TMEM143: variants seen among roughly 807,000 people sequenced by gnomAD.
TMEM143 encodes transmembrane protein 143.
In TMEM143, 45 loss-of-function variants were observed where a neutral mutation model predicts 40.3. The ratio of observed to expected loss-of-function variants is 1.12; its 90% confidence interval spans 0.88 to 1.43. TMEM143 has a LOEUF of 1.43. TMEM143 is among the 40% of genes most tolerant of loss of function. The pLI, the probability that TMEM143 is intolerant of heterozygous loss-of-function variation, is 0.00. For synonymous variants in TMEM143, 299 were observed against 282.7 expected (o/e 1.06, Z -0.58); for missense variants, 620 against 613.4 (o/e 1.01, Z -0.11).
chr19:48,342,304 A>T (rs1969511094), intron 6 of TMEM143, among the ~76,000 whole-genome samples: 3 of 133,578 alleles, frequency 2.2e-5, no homozygotes, highest in African/African-American at 8.4e-5. Flanking sequence ...GGAAGGAAGG[A>T]CAGGGAGGGA....
chr19:48,356,836 C>T (rs1451456272), intron 3 of TMEM143, among the ~76,000 whole-genome samples: 7 of 147,664 alleles, frequency 4.7e-5, no homozygotes, highest in African/African-American at 1.5e-4. Context: ...TCAGGTGATC[C>T]GCCCGCCTCG....
At chr19:48,363,019 C>T (rs1317091595) in intron 2 of TMEM143, among the ~76,000 whole-genome samples, 2 of 152,196 alleles carry the variant, frequency 1.3e-5, no homozygotes, top group Non-Finnish European at 1.5e-5. Flanking sequence ...TTACTATACC[C>T]ATCTTAAAGA....
intron 3 of TMEM143, among the ~76,000 whole-genome samples, chr19:48,350,751 G>T (rs903417675): frequency 6.6e-6 from 1 of 151,568 alleles, no homozygotes; most frequent in Non-Finnish European, 1.5e-5. Flanking sequence ...GTGAAACCCC[G>T]TCTCTACTGA....
chr19:48,342,519 C>A lies in TMEM143; in HGVS notation c.975+11G>T. ...GCAGGGCCGCAGGAGGCGTGGCAGG[C>A]GCATGCTCACCTTGGAGGCCCGCAG... On this transcript the variant is annotated intron_variant, in intron 6 of 7. Coordinates refer to ENST00000293261, the MANE Select transcript of TMEM143 (RefSeq NM_018273.4). 2 of 1,593,006 alleles carry A rather than the reference C, an allele frequency of 1.3e-6. No homozygotes were observed. Among genetic ancestry groups the A allele is most frequent in the Middle Eastern group, 1.7e-4 (1 of 5,896 alleles).
In TMEM143 at chr19:48,342,704, C is replaced by T. The variant is rs749571882; in HGVS notation, c.801G>A (p.Pro267=). 4.0e-5 allele frequency: 64 copies of T among 1,614,022 alleles called. No individual in the cohort carries two copies. The highest frequency in any genetic ancestry group is 4.7e-5 in the Non-Finnish European group (56 of 1,180,020). ...GGGTGGGCGTGCGCACCTTCAGCTC[C>T]GGCAGCAGCTGCTCCAGGCCTTCCA... ...TPLEGLEQLL[P]ELKVRTPTLQ... The change falls in exon 6 of 8, where the codon CCG becomes CCA. Residue 267 remains proline (P), a synonymous_variant. Coordinates refer to ENST00000293261, the MANE Select transcript of TMEM143 (RefSeq NM_018273.4).
chr19:48,354,210 C>T (rs1969834677), intron 3 of TMEM143, among the ~76,000 whole-genome samples: 1 of 150,262 alleles, frequency 6.7e-6, no homozygotes, highest in Admixed American at 6.7e-5. Flanking sequence ...CCACCTGCCT[C>T]GGCCTCCCAA....
At chr19:48,345,705 A>G (rs1216722849) in intron 3 of TMEM143, among the ~76,000 whole-genome samples, 3 of 151,864 alleles carry the variant, frequency 2.0e-5, no homozygotes, top group African/African-American at 4.8e-5. Context: ...TCCTGAGCTC[A>G]GGCAATATGC....
chr19:48,342,911 C>A, intron 5 of TMEM143, 102 bp from the exon 6 acceptor site: 50 of 1,329,804 alleles, frequency 3.8e-5, no homozygotes, highest in Non-Finnish European at 4.6e-5. Context: ...GTCGCACAAC[C>A]ATCTTAAAAG....
chr19:48,363,603 A>G, intron 1 of TMEM143, 72 bp from the exon 2 acceptor site: 1 of 1,519,664 alleles, frequency 6.6e-7, no homozygotes, highest in Non-Finnish European at 8.8e-7. Flanking sequence ...TCCACGTCCC[A>G]CCCTCCAGAA....
intron 6 of TMEM143, among the ~76,000 whole-genome samples, chr19:48,337,667 C>T (rs1969401899): frequency 6.6e-6 from 1 of 152,086 alleles, no homozygotes. Flanking sequence ...TAGGGTGTTC[C>T]CATCTCACAC....
At chr19:48,360,720 A>G (rs1970021808) in intron 2 of TMEM143, among the ~76,000 whole-genome samples, 1 of 152,130 alleles carries the variant, frequency 6.6e-6, no homozygotes, top group African/African-American at 2.4e-5. Context: ...TTCCTAGCCA[A>G]TACACACACA....
chr19:48,359,257 GCC>G (rs925831505), intron 3 of TMEM143, among the ~76,000 whole-genome samples: 1 of 151,692 alleles, frequency 6.6e-6, no homozygotes, highest in African/African-American at 2.4e-5. Flanking sequence ...CATCCCCTCT[GCC>G]CTCATATCCC....
intron 6 of TMEM143, among the ~76,000 whole-genome samples, chr19:48,342,282 G>A (rs1969510336): frequency 7.0e-6 from 1 of 143,782 alleles, no homozygotes; most frequent in Non-Finnish European, 1.5e-5. Flanking sequence ...AAGGGAGGAA[G>A]GGAGGGAGGA....
chr19:48,359,859 C>T, intron 3 of TMEM143: 1 of 536,440 alleles, frequency 1.9e-6, no homozygotes, highest in Non-Finnish European at 3.3e-6. Flanking sequence ...TGGCACTTAT[C>T]ACCACCAGGC....
chr19:48,359,224 C>T (rs1364741816), intron 3 of TMEM143, among the ~76,000 whole-genome samples: 2 of 152,100 alleles, frequency 1.3e-5, no homozygotes, highest in East Asian at 1.9e-4. Flanking sequence ...CAGTGGCCCA[C>T]AAGGCCCAGT....
At position 48,333,927 on chromosome 19, in the gene TMEM143, G is replaced by GGGGGTGGGGACGCATCTCGCT; in HGVS notation, c.1165+60_1165+80dup. On this transcript the variant is annotated intron_variant, in intron 7 of 7. Coordinates refer to ENST00000293261, the MANE Select transcript of TMEM143 (RefSeq NM_018273.4). This position sits in a 1 kb window ranked among gnomAD's most constrained non-coding sequence, Gnocchi z 4.1. ...CCCGTCAGGTTCACCCGTGGGAACT[G>GGGGGTGGGGACGCATCTCGCT]GGGGTGGGGACGCATCTCGCTGGGG... 7.2e-7 allele frequency: 1 copy of GGGGGTGGGGACGCATCTCGCT among 1,391,620 alleles called. No individual in the cohort carries two copies. 86.2% of individuals were successfully genotyped at this position (1,391,620 alleles called of 1,614,324 possible).
chr19:48,340,121 ATTTTTTT>A (rs11369636), intron 6 of TMEM143, among the ~76,000 whole-genome samples: 20 of 98,572 alleles, frequency 2.0e-4, no homozygotes, highest in Non-Finnish European at 3.2e-4. Flanking sequence ...GTCAACTGGG[ATTTTTTT>A]TTTTTTTTTT....
rs775138964 is a variant in TMEM143 at position 48,333,358 on chromosome 19, C to T, written c.1241G>A (p.Gly414Glu). 2.5e-6 allele frequency: 4 copies of T among 1,609,442 alleles called. No individual in the cohort carries two copies. In the South Asian group the frequency reaches 3.3e-5, roughly 13 times the overall value. ...AKSGCEVTFN[G>E]TRALAHLQAL... ...CTGCAGATGCGCCAGGGCCCGAGTT[C>T]CGTTGAAGGTCACCTCACAGCCTGA... Residue 414 changes from glycine (G) to glutamate (E), a missense_variant, in exon 8 of 8, where the codon GGA (glycine) becomes GAA (glutamate). Coordinates refer to ENST00000293261, the MANE Select transcript of TMEM143 (RefSeq NM_018273.4). This position sits in a 1 kb window ranked among gnomAD's most constrained non-coding sequence, Gnocchi z 4.1.
chr19:48,358,593 C>G (rs1468085541), intron 3 of TMEM143, among the ~76,000 whole-genome samples: 1 of 152,042 alleles, frequency 6.6e-6, no homozygotes, highest in Non-Finnish European at 1.5e-5. Flanking sequence ...CTCTCTTCCT[C>G]CCCAGAACAC....
Sources: gnomAD v4.1 joint callset for allele counts (sites outside exome capture counted in the v4.1 genomes callset) on GRCh38, gnomAD v4.1.1 for gene constraint, Gnocchi (gnomAD v3.1) non-coding constraint, MANE v1.5 for transcripts, NCBI Gene and HGNC (gene_info 2026-07-23, HGNC 2026-07-21) for gene names.